Variants in GNAQ observed in about 807,000 individuals in gnomAD.
GNAQ encodes G protein subunit alpha q.
Under a neutral mutation model 43.9 loss-of-function variants are expected in GNAQ, and 8 were observed. The ratio of observed to expected loss-of-function variants is 0.18; its 90% CI spans 0.11 to 0.33. The LOEUF (loss-of-function observed/expected upper bound fraction) is 0.33. GNAQ is among the 10% of genes least tolerant of loss of function. The pLI is 1.00. For missense variants in GNAQ, 158 were observed against 450.8 expected (o/e 0.35, Z 5.88); for synonymous variants, 155 against 170.7 (o/e 0.91, Z 0.71).
intron 1 of GNAQ, among the ~76,000 whole-genome samples, chr9:77,993,597 G>A (rs1470212804): frequency 6.6e-6 from 1 of 152,020 alleles, no homozygotes; most frequent in Non-Finnish European, 1.5e-5. Flanking sequence ...AGCTACTCCG[G>A]AGGCTGAGGC....
At chr9:77,792,028 G>GA (rs984930625) in intron 5 of GNAQ, among the ~76,000 whole-genome samples, 5 of 150,986 alleles carry the variant, frequency 3.3e-5, no homozygotes, top group African/African-American at 9.7e-5. Context: ...TACAACTGGG[G>GA]AAAAAAAGGG....
At chr9:77,800,273 C>T (rs948075504) in intron 3 of GNAQ, among the ~76,000 whole-genome samples, 6 of 151,752 alleles carry the variant, frequency 4.0e-5, no homozygotes, top group South Asian at 2.1e-4. Flanking sequence ...CACATGCACA[C>T]GTATGTTTAT....
intron 1 of GNAQ, among the ~76,000 whole-genome samples, chr9:77,933,154 A>T (rs1235295049): frequency 6.6e-6 from 1 of 152,188 alleles, no homozygotes. Context: ...GAAACAGAGG[A>T]TGCGATTTGT....
chr9:77,850,502 A>C (rs1389699837), intron 2 of GNAQ, among the ~76,000 whole-genome samples: 1 of 152,102 alleles, frequency 6.6e-6, no homozygotes, highest in East Asian at 1.9e-4. Flanking sequence ...TCCGTTCTCC[A>C]CAGTGTGATG....
At chr9:77,826,644 A>T (rs1827202579) in intron 2 of GNAQ, among the ~76,000 whole-genome samples, 1 of 152,230 alleles carries the variant, frequency 6.6e-6, no homozygotes, top group Non-Finnish European at 1.5e-5. Flanking sequence ...AGTCAAACAC[A>T]TTGAATCAAA....
chr9:77,890,185 A>T (rs1329645350), intron 2 of GNAQ, among the ~76,000 whole-genome samples: 1 of 152,126 alleles, frequency 6.6e-6, no homozygotes, highest in Non-Finnish European at 1.5e-5. Context: ...CGATTCGCAC[A>T]TATCTTTGTA....
chr9:77,907,910 T>A (rs552617690), intron 2 of GNAQ, among the ~76,000 whole-genome samples: 1 of 152,278 alleles, frequency 6.6e-6, no homozygotes, highest in South Asian at 2.1e-4. Flanking sequence ...ATTAAATACA[T>A]GTGTCCTAGG....
intron 2 of GNAQ, among the ~76,000 whole-genome samples, chr9:77,901,859 A>C (rs1828621955): frequency 6.6e-6 from 1 of 152,206 alleles, no homozygotes; most frequent in African/African-American, 2.4e-5. Context: ...GTCTGCTGAG[A>C]GCCAGTTTCT....
At chr9:77,799,783 A>G (rs1290340336) in intron 3 of GNAQ, among the ~76,000 whole-genome samples, 1 of 152,240 alleles carries the variant, frequency 6.6e-6, no homozygotes, top group Admixed American at 6.5e-5. Context: ...ATATCAATTA[A>G]TTAGTATTCC....
chr9:77,920,269 T>C (rs547500820), intron 2 of GNAQ, among the ~76,000 whole-genome samples: 6 of 152,332 alleles, frequency 3.9e-5, no homozygotes, highest in South Asian at 2.1e-4. Context: ...GATCTTCATA[T>C]GGGCAAGGTC....
At chr9:77,792,915 T>G (rs1293587721) in intron 5 of GNAQ, among the ~76,000 whole-genome samples, 1 of 152,072 alleles carries the variant, frequency 6.6e-6, no homozygotes, top group South Asian at 2.1e-4. Context: ...CAAAAGCATA[T>G]CTTGTTTATA....
chr9:77,979,852 G>A (rs1823348188), intron 1 of GNAQ, among the ~76,000 whole-genome samples: 1 of 152,164 alleles, frequency 6.6e-6, no homozygotes, highest in Non-Finnish European at 1.5e-5. Context: ...TTGGCTACCT[G>A]ATTTTGGTTA....
chr9:77,729,778 C>T (rs1339743210), intron 5 of GNAQ, among the ~76,000 whole-genome samples: 1 of 152,174 alleles, frequency 6.6e-6, no homozygotes, highest in Admixed American at 6.5e-5. Context: ...GGGATTGTGC[C>T]CACCTCTGCT....
intron 5 of GNAQ, among the ~76,000 whole-genome samples, chr9:77,736,083 G>A (rs2839899): frequency 0.55 from 83,887 of 152,030 alleles, 26,723 homozygotes; most frequent in Non-Finnish European, 0.71. Context: ...AAATATTTCC[G>A]TTCCCTGGAA....
At chr9:77,894,835 TAAG>T (rs1199192598) in intron 2 of GNAQ, among the ~76,000 whole-genome samples, 3 of 152,024 alleles carry the variant, frequency 2.0e-5, no homozygotes, top group African/African-American at 4.8e-5. Context: ...ATAATAAACT[TAAG>T]AAGAATGCTA....
At chr9:77,926,049 T>A (rs1437578139) in intron 1 of GNAQ, among the ~76,000 whole-genome samples, 1 of 152,198 alleles carries the variant, frequency 6.6e-6, no homozygotes, top group South Asian at 2.1e-4. Flanking sequence ...TTCTATCCAA[T>A]GTTGGTTGAA....
chr9:77,904,554 G>C (rs185672354), intron 2 of GNAQ, among the ~76,000 whole-genome samples: 253 of 152,012 alleles, frequency 1.7e-3, no homozygotes, highest in African/African-American at 5.8e-3. Context: ...GGATGGTCTC[G>C]ATCTCCTGAC....
At chr9:77,754,654 C>G (rs553376682) in intron 5 of GNAQ, among the ~76,000 whole-genome samples, 15 of 152,208 alleles carry the variant, frequency 9.9e-5, no homozygotes, top group African/African-American at 2.9e-4. Context: ...AGCTGGGGAT[C>G]AAGAGGAGTC....
At chr9:78,021,045 CTTTTTTTTTT>C (rs545575616) in intron 1 of GNAQ, among the ~76,000 whole-genome samples, 1 of 112,208 alleles carries the variant, frequency 8.9e-6, no homozygotes, top group African/African-American at 3.5e-5. Context: ...CAGGAAGCTG[CTTTTTTTTTT>C]TTTTTTTTTT....
Sources: allele counts gnomAD v4.1 joint callset (sites outside exome capture counted in the v4.1 genomes callset), GRCh38; gene constraint gnomAD v4.1.1; transcripts MANE v1.5; gene names NCBI Gene and HGNC (gene_info 2026-07-23, HGNC 2026-07-21).